The following DPP6 variants were observed in gnomAD, a reference collection of about 807,000 sequenced individuals.
The protein encoded by DPP6 is A-type potassium channel modulatory protein DPP6.
Under a neutral mutation model 122.6 loss-of-function variants are expected in DPP6, and 69 were observed. That is an observed-to-expected ratio of 0.56 (90% confidence interval 0.46 to 0.69). The LOEUF is 0.69. DPP6 is among the 30% of genes least tolerant of loss of function. The pLI, the probability that DPP6 is intolerant of heterozygous loss-of-function variation, is 0.00. For missense variants in DPP6, 928 were observed against 1,116.9 expected (o/e 0.83, Z 2.41); for synonymous variants, 418 against 433.1 (o/e 0.97, Z 0.43).
intron 1 of DPP6, among the ~76,000 whole-genome samples, chr7:153,928,217 CTTTTTTTTTT>C (rs562514728): frequency 7.1e-6 from 1 of 141,268 alleles, no homozygotes; most frequent in African/African-American, 2.6e-5. Context: ...TTCTTTTTTT[CTTTTTTTTTT>C]TTGAGATGGA....
At chr7:154,636,784 C>T (rs894741548) in intron 5 of DPP6, among the ~76,000 whole-genome samples, 2 of 152,202 alleles carry the variant, frequency 1.3e-5, no homozygotes, top group African/African-American at 4.8e-5. Context: ...TTTGCAAGCT[C>T]ATTTCCATCA....
At chr7:154,268,257 A>G (rs757403686) in intron 1 of DPP6, among the ~76,000 whole-genome samples, 4 of 152,194 alleles carry the variant, frequency 2.6e-5, no homozygotes, top group Admixed American at 6.5e-5. Flanking sequence ...TGGATTAGCT[A>G]CTTTTCTTAG....
the DPP6 span, among the ~76,000 whole-genome samples, chr7:153,816,131 A>C: frequency 1.3e-5 from 2 of 152,096 alleles, no homozygotes; most frequent in African/African-American, 4.8e-5. Context: ...AAGAAAATGG[A>C]GATAAATAAT....
At chr7:153,838,636 A>T in the DPP6 span, among the ~76,000 whole-genome samples, 10 of 152,338 alleles carry the variant, frequency 6.6e-5, no homozygotes, top group Non-Finnish European at 1.2e-4. Flanking sequence ...CCAAGTTAAG[A>T]GTGAAATAGC....
At chr7:153,963,486 C>T (rs1327149436) in intron 1 of DPP6, among the ~76,000 whole-genome samples, 4 of 147,170 alleles carry the variant, frequency 2.7e-5, no homozygotes, top group Non-Finnish European at 6.1e-5. Context: ...CACCATCTGA[C>T]ACAGAGCACC....
At chr7:154,587,220 C>T (rs1832514939) in intron 5 of DPP6, 1 of 215,236 alleles carries the variant, frequency 4.6e-6, no homozygotes, top group African/African-American at 2.3e-5. Context: ...TCGGTGGACT[C>T]TCACCAGAGG....
chr7:154,398,050 G>C (rs370864506), intron 1 of DPP6, among the ~76,000 whole-genome samples: 1 of 152,070 alleles, frequency 6.6e-6, no homozygotes, highest in Non-Finnish European at 1.5e-5. Context: ...CAGAATTCTG[G>C]GCATGGTAAA....
At chr7:154,575,460 GC>G (rs1212566826) in intron 5 of DPP6, among the ~76,000 whole-genome samples, 1 of 12,424 alleles carries the variant, frequency 8.0e-5, no homozygotes, top group African/African-American at 1.2e-3. Context: ...ATGTGTGTGN[GC>G]GGGTGTATGT....
intron 1 of DPP6, among the ~76,000 whole-genome samples, chr7:154,328,157 ATCCCTGGG>A (rs1222943986): frequency 6.6e-6 from 1 of 152,156 alleles, no homozygotes; most frequent in African/African-American, 2.4e-5. Flanking sequence ...GTTTGCTCGG[ATCCCTGGG>A]TTGCTTGGCC....
At chr7:153,958,106 G>T (rs1000588264) in intron 1 of DPP6, among the ~76,000 whole-genome samples, 1 of 152,140 alleles carries the variant, frequency 6.6e-6, no homozygotes, top group Non-Finnish European at 1.5e-5. Context: ...GGAGGTTGCA[G>T]TGAGCTGAGA....
chr7:154,368,696 A>G (rs951352524), intron 1 of DPP6, among the ~76,000 whole-genome samples: 3 of 152,256 alleles, frequency 2.0e-5, no homozygotes, highest in African/African-American at 4.8e-5. Flanking sequence ...ATTCCTACGC[A>G]TGATGTTAAC....
chr7:154,253,535 AG>A (rs1802480247), intron 1 of DPP6, among the ~76,000 whole-genome samples: 1 of 152,196 alleles, frequency 6.6e-6, no homozygotes, highest in Admixed American at 6.5e-5. Flanking sequence ...TGACTTGACT[AG>A]ACGTGATTTC....
rs1421085882 is a variant in DPP6 at position 154,760,486 on chromosome 7, G to T, written c.884-8931G>T. ...GGGAGCGTCAGTGTTTCAGCAGGTTGTTTCTATTCTTGTCTGCCATTCTGC... is the reference window on the plus strand; with the variant it reads ...GGGAGCGTCAGTGTTTCAGCAGGTTTTTTCTATTCTTGTCTGCCATTCTGC... On this transcript the variant is annotated intron_variant, in intron 8 of 25. Transcript: ENST00000377770. This position sits in a 1 kb window ranked among gnomAD's most constrained non-coding sequence, Gnocchi z 4.5. 3.3e-5 allele frequency among the ~76,000 whole-genome samples: 5 copies of T among 152,136 alleles called. No homozygotes were observed.
chr7:154,543,719 TG>T (rs1828914555), intron 4 of DPP6, among the ~76,000 whole-genome samples: 1 of 152,058 alleles, frequency 6.6e-6, no homozygotes, highest in Non-Finnish European at 1.5e-5. Context: ...TCAGACCAGG[TG>T]CGGTGGTTCA....
chr7:153,853,535 T>C, the DPP6 span, among the ~76,000 whole-genome samples: 7 of 152,172 alleles, frequency 4.6e-5, no homozygotes, highest in East Asian at 1.9e-4. Context: ...TTTTATGATA[T>C]AACTAATGGA....
At chr7:154,306,688 C>T (rs907106551) in intron 1 of DPP6, among the ~76,000 whole-genome samples, 21 of 152,156 alleles carry the variant, frequency 1.4e-4, no homozygotes, top group African/African-American at 4.8e-4. Flanking sequence ...TAAAAGGGGG[C>T]CATTTTATTA....
At chr7:153,941,029 C>T (rs1018917699) in intron 1 of DPP6, among the ~76,000 whole-genome samples, 4 of 151,842 alleles carry the variant, frequency 2.6e-5, no homozygotes, top group East Asian at 1.9e-4. Context: ...GGAAACTAAC[C>T]GCGGACAGAA....
intron 1 of DPP6, among the ~76,000 whole-genome samples, chr7:154,225,583 AT>A (rs1355078095): frequency 6.6e-6 from 1 of 152,062 alleles, no homozygotes; most frequent in African/African-American, 2.4e-5. Flanking sequence ...AGAAAAAAAA[AT>A]CTCATTGGTT....
the DPP6 span, among the ~76,000 whole-genome samples, chr7:153,759,645 G>T: frequency 1.3e-5 from 2 of 151,852 alleles, no homozygotes; most frequent in Non-Finnish European, 2.9e-5. Flanking sequence ...AATGACTTTT[G>T]AAGATGCTTG....
Sources: gnomAD v4.1 joint callset for allele counts (sites outside exome capture counted in the v4.1 genomes callset) on GRCh38, gnomAD v4.1.1 for gene constraint, Gnocchi (gnomAD v3.1) non-coding constraint, MANE v1.5 for transcripts, NCBI Gene and HGNC (gene_info 2026-07-23, HGNC 2026-07-21) for gene names.